Variants in NECTIN3 observed in about 807,000 individuals in gnomAD.
The protein encoded by NECTIN3 is nectin-3.
In NECTIN3, 8 loss-of-function variants were observed where a neutral mutation model predicts 49.4. The observed-to-expected ratio is 0.16, with a 90% CI of 0.10 to 0.29. The LOEUF is 0.29. Among genes scored for constraint, NECTIN3 ranks in the 10% least tolerant of loss-of-function variants. The pLI, the probability that NECTIN3 is intolerant of heterozygous loss-of-function variation, is 1.00. For missense variants in NECTIN3, 581 were observed against 654.6 expected, an observed-to-expected ratio of 0.89 and a Z score of 1.23; for synonymous variants, 277 against 241.1, an observed-to-expected ratio of 1.15 and a Z score of -1.38.
intron 7 of NECTIN3, among the ~76,000 whole-genome samples, chr3:111,148,463 A>G (rs1441638156): frequency 6.6e-6 from 1 of 152,216 alleles, no homozygotes; most frequent in Non-Finnish European, 1.5e-5. Context: ...TTGTTCTCAC[A>G]TAAAGAGTGT....
Position 111,133,759 on chromosome 3 carries a change from G to A in NECTIN3, c.1194G>A (p.Lys398=), listed in dbSNP as rs2034475597. The change falls in exon 6 of 6, where the codon AAG becomes AAA. Residue 398 remains lysine (K), a synonymous_variant. Transcript: ENST00000485303. ...CATTGTCAACTTTGGCAACAATTAA[G>A]GATGACACAATTGCCACGATCATTG... The part of the protein sequence containing the change: ...PFPLSTLATI[K]DDTIATIIAS... 1.2e-6 allele frequency: 2 copies of A among 1,613,928 alleles called. No individual in the cohort carries two copies. Among genetic ancestry groups the A allele is most frequent in the East Asian group, 4.5e-5 (2 of 44,872 alleles).
chr3:111,141,584 CAT>C (rs1198165085), downstream of NECTIN3, among the ~76,000 whole-genome samples: 1 of 151,786 alleles, frequency 6.6e-6, no homozygotes, highest in Non-Finnish European at 1.5e-5. Context: ...CCCCATAAGA[CAT>C]GTGCATGCTA....
At chr3:111,168,070 C>T (rs1280860474) in intron 7 of NECTIN3, among the ~76,000 whole-genome samples, 1 of 152,098 alleles carries the variant, frequency 6.6e-6, no homozygotes, top group East Asian at 1.9e-4. Context: ...CTTTGAGTGT[C>T]ACATCAGTGC....
At chr3:111,073,647 G>C (rs2030964194) in intron 1 of NECTIN3, among the ~76,000 whole-genome samples, 1 of 152,160 alleles carries the variant, frequency 6.6e-6, no homozygotes, top group Non-Finnish European at 1.5e-5. Context: ...GAGAATTGGG[G>C]ATGTTGCTTA....
intron 1 of NECTIN3, 152 bp downstream of exon 1, chr3:111,072,329 G>T: frequency 7.0e-7 from 1 of 1,432,462 alleles, no homozygotes; most frequent in Non-Finnish European, 9.1e-7. Flanking sequence ...TTTTCGCCGC[G>T]CCCGGGGCGA....
chr3:111,144,024 ATACT>A (rs537656265), intron 5 of NECTIN3, among the ~76,000 whole-genome samples: 127 of 152,222 alleles, frequency 8.3e-4, no homozygotes, highest in Non-Finnish European at 1.6e-3. Context: ...TGTCAAAGTA[ATACT>A]TACACGTAAA....
At chr3:111,092,463 T>C (rs2032324368) in intron 1 of NECTIN3, among the ~76,000 whole-genome samples, 1 of 152,174 alleles carries the variant, frequency 6.6e-6, no homozygotes, top group African/African-American at 2.4e-5. Context: ...CATTTTGATA[T>C]AATTTTTGTG....
chr3:111,087,685 A>C (rs2032014685), intron 1 of NECTIN3, among the ~76,000 whole-genome samples: 1 of 151,930 alleles, frequency 6.6e-6, no homozygotes, highest in Non-Finnish European at 1.5e-5. Context: ...AGCCTTTTAA[A>C]AATTTAATTT....
chr3:111,073,722 A>G (rs1013724062), intron 1 of NECTIN3, among the ~76,000 whole-genome samples: 3 of 152,176 alleles, frequency 2.0e-5, no homozygotes, highest in Non-Finnish European at 4.4e-5. Context: ...CGTTTATGTT[A>G]AGGACTGAGA....
intron 1 of NECTIN3, among the ~76,000 whole-genome samples, chr3:111,094,203 A>T (rs1010409587): frequency 2.6e-5 from 4 of 152,060 alleles, no homozygotes; most frequent in Non-Finnish European, 5.9e-5. Context: ...AAACTGTGAC[A>T]ATACTTTTAT....
At position 111,118,939 on chromosome 3, in the gene NECTIN3, A is replaced by G. The variant is rs1016816925; in HGVS notation, c.786A>G (p.Ile262Met). ...ALEKDIRYSF[I>M]LDIQYAPEVS... ...AAAAGGACATCCGATACTCTTTCAT[A>G]TTAGACATACAGTGTAAGTAAATGG... Residue 262 changes from isoleucine to methionine, a missense_variant, in exon 3 of 6, where the codon ATA becomes ATG. Coordinates refer to ENST00000485303, the MANE Select transcript of NECTIN3 (RefSeq NM_015480.3). 2 of 1,612,992 alleles carry G rather than the reference A, an allele frequency of 1.2e-6. No individual in the cohort carries two copies. The highest frequency in any genetic ancestry group is 1.7e-5 in the Admixed American group (1 of 59,986).
chr3:111,094,091 A>G (rs1037754189), intron 1 of NECTIN3, among the ~76,000 whole-genome samples: 2 of 151,972 alleles, frequency 1.3e-5, no homozygotes, highest in African/African-American at 4.8e-5. Flanking sequence ...AACTGTGGCA[A>G]TACTTTTGTA....
chr3:111,124,164 T>C (rs1559793832), intron 4 of NECTIN3, among the ~76,000 whole-genome samples: 1 of 152,184 alleles, frequency 6.6e-6, no homozygotes, highest in Non-Finnish European at 1.5e-5. Context: ...AGTCATTAGT[T>C]AAGATTTTTA....
rs771517277 is a variant in NECTIN3, at chr3:111,164,460, A to G, written c.1221+16976A>G. ...TTAGCAAATACTGTGACTGAAATATATTACCATATGTTATATATTTCCACA... is the reference window on the plus strand; with the variant it reads ...TTAGCAAATACTGTGACTGAAATATGTTACCATATGTTATATATTTCCACA... On this transcript the variant is annotated intron_variant, in intron 7 of 8. Transcript: ENST00000493615. Among the ~76,000 whole-genome samples the G allele has an allele frequency of 3.7e-4, 56 of 152,142 alleles. 1 individual carries two copies. The highest frequency in any genetic ancestry group is 3.9e-4 in the Admixed American group (6 of 15,278).
chr3:111,119,846 GT>G (rs538690915), intron 3 of NECTIN3, among the ~76,000 whole-genome samples: 362 of 152,224 alleles, frequency 2.4e-3, no homozygotes, highest in African/African-American at 8.3e-3. Flanking sequence ...AAATCTAGGT[GT>G]TTTTGAGGGA....
Position 111,136,343 on chromosome 3 carries a change from C to T in NECTIN3, c.*2128C>T, listed in dbSNP as rs1045242308. Reference sequence around the variant, plus strand: ...TCCTTTTACATTGTGGTTATTTGTGCGATTAGGTTTTTTTGTTTGTTTCTT... The same window carrying T: ...TCCTTTTACATTGTGGTTATTTGTGTGATTAGGTTTTTTTGTTTGTTTCTT... On this transcript the variant is annotated 3_prime_UTR_variant, in exon 6 of 6. Transcript: ENST00000485303. 3 of 984,210 alleles carry T rather than the reference C, an allele frequency of 3.0e-6. No individual in the cohort carries two copies. The highest frequency in any genetic ancestry group is 1.8e-5 in the African/African-American group (1 of 57,056). 61.0% of individuals were successfully genotyped at this position (984,210 alleles called of 1,614,324 possible). A position where few individuals can be genotyped will look rare whatever the true frequency, so the allele number is the denominator to read the frequency against.
intron 4 of NECTIN3, among the ~76,000 whole-genome samples, chr3:111,125,273 C>G (rs899935858): frequency 1.3e-5 from 2 of 151,924 alleles, no homozygotes; most frequent in African/African-American, 4.8e-5. Context: ...AAGTGATGTG[C>G]CCGCCTCGGC....
intron 1 of NECTIN3, among the ~76,000 whole-genome samples, chr3:111,101,584 C>G (rs1393299474): frequency 1.3e-5 from 2 of 152,070 alleles, no homozygotes; most frequent in Admixed American, 1.3e-4. Context: ...TATTGAACTT[C>G]TATTCTAGAA....
chr3:111,193,474 A>G, intron 1 of NECTIN3: 1 of 1,318,248 alleles, frequency 7.6e-7, no homozygotes, highest in Non-Finnish European at 1.0e-6. Flanking sequence ...TCTCTCATAT[A>G]AGAACAGTCC....
Sources: allele counts gnomAD v4.1 joint callset (sites outside exome capture counted in the v4.1 genomes callset), GRCh38; gene constraint gnomAD v4.1.1; transcripts MANE v1.5; gene names NCBI Gene and HGNC (gene_info 2026-07-23, HGNC 2026-07-21).